Variants in NOC3L observed in about 807,000 individuals in gnomAD.
NOC3L encodes the protein nucleolar complex protein 3 homolog.
In NOC3L, 85 loss-of-function variants were observed where a neutral mutation model predicts 102.5. The ratio of observed to expected loss-of-function variants is 0.83; its 90% CI spans 0.70 to 0.99. NOC3L has a LOEUF of 0.99. NOC3L is among the 50% of genes least tolerant of loss of function. The pLI is 0.00. For synonymous variants in NOC3L, 303 were observed against 309.4 expected (o/e 0.98, Z 0.22); for missense variants, 878 against 914.9 (o/e 0.96, Z 0.52).
intron 18 of NOC3L, 140 bp downstream of exon 18, chr10:94,338,468 C>T (rs2054246542): frequency 1.4e-5 from 12 of 875,130 alleles, no homozygotes; most frequent in East Asian, 8.3e-5. Context: ...ATGTAGCATA[C>T]TAACACAGGA....
At chr10:94,326,253 T>C in the NOC3L span, among the ~76,000 whole-genome samples, 1 of 152,314 alleles carries the variant, frequency 6.6e-6, no homozygotes, top group South Asian at 2.1e-4. Context: ...ACTTCTGATA[T>C]AAAACTGCCA....
At chr10:94,344,958 A>T in intron 11 of NOC3L, 25 bp from the exon 12 acceptor site, 2 of 1,547,204 alleles carry the variant, frequency 1.3e-6, no homozygotes, top group Non-Finnish European at 1.8e-6. Context: ...AAAAACAAAA[A>T]TCTAAGAGCA....
chr10:94,355,799 GTTTTT>G (rs2054477205), intron 5 of NOC3L, among the ~76,000 whole-genome samples: 1 of 151,892 alleles, frequency 6.6e-6, no homozygotes, highest in Non-Finnish European at 1.5e-5. Context: ...ATTCTCCTTT[GTTTTT>G]AACACTATAT....
intron 5 of NOC3L, among the ~76,000 whole-genome samples, chr10:94,356,239 GTCTT>G (rs1405698915): frequency 1.3e-5 from 2 of 151,994 alleles, no homozygotes; most frequent in Non-Finnish European, 2.9e-5. Flanking sequence ...TTTGTAAGTA[GTCTT>G]TCTCTTACAA....
At chr10:94,335,021 C>G (rs1490854200) in intron 19 of NOC3L, among the ~76,000 whole-genome samples, 1 of 152,214 alleles carries the variant, frequency 6.6e-6, no homozygotes, top group Admixed American at 6.5e-5. Flanking sequence ...ACTGATAATG[C>G]AACTAAGTAT....
rs368688845 is a variant in NOC3L at position 94,355,125 on chromosome 10, C to A, written c.566-32G>T. On this transcript the variant is annotated intron_variant, in intron 5 of 20. Transcript: ENST00000371361. Reference sequence around the variant, plus strand: ...CAGATTAGATGTTCCCTTACATATTCCTCTGCTTACAAGTATCCAAGAATC... The same window carrying A: ...CAGATTAGATGTTCCCTTACATATTACTCTGCTTACAAGTATCCAAGAATC... 19 of 1,574,400 alleles carry A rather than the reference C, an allele frequency of 1.2e-5. No homozygotes were observed. In the African/African-American group the frequency reaches 2.3e-4, roughly 19 times the overall value.
chr10:94,336,668 C>G (rs2133983193), intron 19 of NOC3L, among the ~76,000 whole-genome samples: 1 of 151,948 alleles, frequency 6.6e-6, no homozygotes, highest in East Asian at 1.9e-4. Flanking sequence ...TATAAGTTAC[C>G]CAGTCTTAGG....
chr10:94,323,809 T>C, the NOC3L span, among the ~76,000 whole-genome samples: 3 of 152,344 alleles, frequency 2.0e-5, no homozygotes, highest in Admixed American at 6.5e-5. Context: ...TGGGACATAA[T>C]TGGCCCTCAC....
the NOC3L span, chr10:94,316,474 T>C: frequency 2.1e-6 from 2 of 936,982 alleles, no homozygotes; most frequent in African/African-American, 1.6e-5. Context: ...AGCAAACCTA[T>C]CTGAACACCA....
chr10:94,356,935 C>A (rs568893714), intron 4 of NOC3L, among the ~76,000 whole-genome samples: 2 of 152,120 alleles, frequency 1.3e-5, no homozygotes, highest in South Asian at 4.2e-4. Flanking sequence ...TTAGAAACAA[C>A]AAAATTTAGT....
At chr10:94,320,351 CTTTA>C in the NOC3L span, among the ~76,000 whole-genome samples, 4,737 of 152,032 alleles carry the variant, frequency 0.031, 239 homozygotes, top group African/African-American at 0.1. Context: ...GATTATATAT[CTTTA>C]TTTATTTAAC....
Position 94,338,637 on chromosome 10 carries a change from T to C in NOC3L, c.2062A>G (p.Thr688Ala), listed in dbSNP as rs1351179017. The change falls in exon 18 of 21, where the codon ACT becomes GCT. Residue 688 changes from threonine to alanine, a missense_variant. Coordinates refer to ENST00000371361, the MANE Select transcript of NOC3L (RefSeq NM_022451.11). ...AGAGCATGCAGTTCCCACAGAGCAG[T>C]GTTCTGAGCATTGCAGTACTCAGGC... ...DEPEYCNAQN[T>A]ALWELHALRR... is the part of the protein sequence containing the mutation. 1.2e-6 allele frequency: 2 copies of C among 1,600,980 alleles called. No homozygotes were observed. The highest frequency in any genetic ancestry group is 1.7e-6 in the Non-Finnish European group (2 of 1,172,004).
At chr10:94,353,710 A>T (rs1034396595) in intron 6 of NOC3L, among the ~76,000 whole-genome samples, 1 of 152,194 alleles carries the variant, frequency 6.6e-6, no homozygotes, top group Non-Finnish European at 1.5e-5. Context: ...TACATTTATT[A>T]TTTAGCTATT....
At chr10:94,320,571 T>C in the NOC3L span, among the ~76,000 whole-genome samples, 1 of 152,202 alleles carries the variant, frequency 6.6e-6, no homozygotes, top group Non-Finnish European at 1.5e-5. Flanking sequence ...GGTTAGTTAG[T>C]TAGCACCCAT....
At chr10:94,316,768 T>C in the NOC3L span, 4 of 1,586,380 alleles carry the variant, frequency 2.5e-6, no homozygotes, top group South Asian at 4.4e-5. Flanking sequence ...TAAGTGTGTC[T>C]GGGTGCAGCC....
At chr10:94,340,776 T>G (rs2054273996) in intron 14 of NOC3L, among the ~76,000 whole-genome samples, 1 of 151,604 alleles carries the variant, frequency 6.6e-6, no homozygotes, top group Non-Finnish European at 1.5e-5. Flanking sequence ...GGTCAGGAGA[T>G]CAAGACCATC....
At chr10:94,352,874 A>G (rs773267118) in intron 7 of NOC3L, 22 bp downstream of exon 7, 13 of 1,591,070 alleles carry the variant, frequency 8.2e-6, no homozygotes, top group Non-Finnish European at 1.1e-5. Flanking sequence ...GATAGTAATT[A>G]TATCTAGCAA....
rs1191578361 is a variant in NOC3L at position 94,337,831 on chromosome 10, A to T, written c.2135T>A (p.Ile712Asn). 2.3e-5 allele frequency: 37 copies of T among 1,613,940 alleles called. No homozygotes were observed. Among genetic ancestry groups the T allele is most frequent in the Non-Finnish European group, 3.1e-5 (37 of 1,179,962 alleles). ...AGAGCCTTCAGAAGGTGCTCCAGCG[A>T]TCAGGTGGGCTGCAAATCTCTGCAC... ...PIVQRFAAHL[I>N]AGAPSEGSGA... Residue 712 changes from isoleucine (I) to asparagine (N), a missense_variant, in exon 19 of 21, where the codon ATC becomes AAC. Transcript: ENST00000371361.
At chr10:94,316,725 T>A in the NOC3L span, 1 of 1,613,978 alleles carries the variant, frequency 6.2e-7, no homozygotes, top group Non-Finnish European at 8.5e-7. Flanking sequence ...GAGGGATACA[T>A]GGGCAGGATT....
Sources: gnomAD v4.1 joint callset for allele counts (sites outside exome capture counted in the v4.1 genomes callset) on GRCh38, gnomAD v4.1.1 for gene constraint, MANE v1.5 for transcripts, NCBI Gene and HGNC (gene_info 2026-07-23, HGNC 2026-07-21) for gene names.